The following RNF212 variants were observed in gnomAD, a reference collection of about 807,000 sequenced individuals.
RNF212 encodes the protein ring finger protein 212.
RNF212 carries 33 observed loss-of-function variants against 34.7 expected under a neutral mutation model. That is an observed-to-expected ratio of 0.95 (90% CI 0.72 to 1.27). The LOEUF is 1.27. Among genes scored for constraint, RNF212 ranks in the 50% most tolerant of loss-of-function variants. RNF212 has a pLI of 0.00. For synonymous variants in RNF212, 140 were observed against 136.1 expected, an observed-to-expected ratio of 1.03 and a Z score of -0.20; for missense variants, 377 against 362.2, an observed-to-expected ratio of 1.04 and a Z score of -0.33.
downstream of RNF212, among the ~76,000 whole-genome samples, chr4:1,069,762 C>G (rs1397027538): frequency 2.0e-5 from 3 of 152,212 alleles, no homozygotes; most frequent in African/African-American, 7.2e-5. Flanking sequence ...TATGGGTCAC[C>G]CTTCAGAATT....
intron 4 of RNF212, among the ~76,000 whole-genome samples, chr4:1,087,783 G>A (rs1016506671): frequency 1.3e-5 from 2 of 151,882 alleles, no homozygotes; most frequent in African/African-American, 4.8e-5. Flanking sequence ...ATGACAGTGA[G>A]TTCTCACGAG....
intron 3 of RNF212, chr4:1,093,630 C>G: frequency 6.5e-7 from 1 of 1,535,882 alleles, no homozygotes; most frequent in Non-Finnish European, 8.7e-7. Flanking sequence ...TGGGTCTTCT[C>G]TCCTGAGACA....
intron 2 of RNF212, among the ~76,000 whole-genome samples, chr4:1,097,746 G>C (rs1353297203): frequency 6.6e-6 from 1 of 152,150 alleles, no homozygotes; most frequent in Non-Finnish European, 1.5e-5. Flanking sequence ...AGCTGTCCTA[G>C]GCATGGAGCT....
At chr4:1,077,856 G>A (rs780288611) in intron 8 of RNF212, among the ~76,000 whole-genome samples, 8 of 152,338 alleles carry the variant, frequency 5.3e-5, no homozygotes, top group Admixed American at 1.3e-4. Context: ...ATAAGGAAGC[G>A]TGTCCCTCTG....
At chr4:1,085,818 A>G in intron 5 of RNF212, 78 bp downstream of exon 5, 2 of 971,562 alleles carry the variant, frequency 2.1e-6, no homozygotes, top group Non-Finnish European at 1.7e-6. Context: ...TTCATTCTTG[A>G]TCTTGGAGAG....
Position 1,076,472 on chromosome 4 carries a change from G to T in RNF212, c.511-2810C>A, listed in dbSNP as rs139934742. Among the ~76,000 whole-genome samples, 5 of 152,292 alleles carry T rather than the reference G, an allele frequency of 3.3e-5. 1 individual carries two copies. The South Asian group carries it at 6.2e-4, about 19-fold the overall frequency. ...CACCCCCGATAATGCTCTTTCCCAT[G>T]CAGCCCTGAACAGTGTGGGAGGTTC... On this transcript the variant is annotated intron_variant, in intron 8 of 9. Coordinates refer to ENST00000433731, the MANE Select transcript of RNF212 (RefSeq NM_001131034.4).
chr4:1,073,920 G>A (rs769053233), intron 8 of RNF212, among the ~76,000 whole-genome samples: 18 of 151,914 alleles, frequency 1.2e-4, no homozygotes, highest in Non-Finnish European at 1.8e-4. Context: ...AACAGTGAAC[G>A]GATAAAGGGC....
At chr4:1,061,722 C>T (rs1209828927) in intron 3 of RNF212, among the ~76,000 whole-genome samples, 1 of 152,212 alleles carries the variant, frequency 6.6e-6, no homozygotes, top group Non-Finnish European at 1.5e-5. Context: ...GAGCAGAAAC[C>T]ATGAGCGGAC....
chr4:1,076,750 C>T (rs865818821), intron 8 of RNF212, among the ~76,000 whole-genome samples: 2 of 152,204 alleles, frequency 1.3e-5, no homozygotes, highest in Non-Finnish European at 2.9e-5. Flanking sequence ...TTGAAATTTG[C>T]ATTCTGGTGT....
intron 8 of RNF212, among the ~76,000 whole-genome samples, chr4:1,075,111 T>C (rs536149782): frequency 6.6e-6 from 1 of 152,318 alleles, no homozygotes; most frequent in East Asian, 1.9e-4. Flanking sequence ...AAACCTTTCT[T>C]GTAAATGGGC....
intron 2 of RNF212, among the ~76,000 whole-genome samples, chr4:1,105,683 G>A (rs1281511472): frequency 6.6e-6 from 1 of 152,266 alleles, no homozygotes; most frequent in Non-Finnish European, 1.5e-5. Context: ...TGATTTCACC[G>A]AAGTGCTCAC....
intron 4 of RNF212, chr4:1,056,886 G>C (rs1366254775): frequency 1.0e-6 from 1 of 987,914 alleles, no homozygotes; most frequent in Non-Finnish European, 1.2e-6. Context: ...GGCGGCCGGG[G>C]GGGCAGCCTG....
At chr4:1,105,130 C>A (rs1724607082) in intron 2 of RNF212, among the ~76,000 whole-genome samples, 1 of 152,244 alleles carries the variant, frequency 6.6e-6, no homozygotes, top group Non-Finnish European at 1.5e-5. Context: ...AACTCAAAAG[C>A]AACTGGCGTG....
At chr4:1,077,396 C>A (rs1719496980) in intron 8 of RNF212, among the ~76,000 whole-genome samples, 1 of 152,116 alleles carries the variant, frequency 6.6e-6, no homozygotes, top group Non-Finnish European at 1.5e-5. Flanking sequence ...CCAGTCTTTT[C>A]TTTCTTTTTT....
rs568966213 is a variant in RNF212 at position 1,078,074 on chromosome 4, C to T, written c.510+1569G>A. On this transcript the variant is annotated intron_variant, in intron 8 of 9. Transcript: ENST00000433731. ...TCCGGGTCCCTCCATCATCCGGCTC[C>T]GGGTGTGATTACCCATGCCACAGGG... Among the ~76,000 whole-genome samples the T allele has an allele frequency of 3.9e-5, 6 of 152,082 alleles. 1 individual carries two copies. In the South Asian group the frequency reaches 1.0e-3, roughly 26 times the overall value.
chr4:1,093,359 A>T, intron 3 of RNF212: 1 of 1,131,542 alleles, frequency 8.8e-7, no homozygotes, highest in East Asian at 2.8e-5. Context: ...TAAATCCATG[A>T]TGTGTTAACA....
chr4:1,098,075 C>T (rs1018701868), intron 2 of RNF212, among the ~76,000 whole-genome samples: 1 of 152,058 alleles, frequency 6.6e-6, no homozygotes, highest in Non-Finnish European at 1.5e-5. Flanking sequence ...AAAAAACAAA[C>T]AAACAAAAAA....
At chr4:1,092,274 AT>A (rs1280058560) in intron 3 of RNF212, among the ~76,000 whole-genome samples, 1 of 152,152 alleles carries the variant, frequency 6.6e-6, no homozygotes, top group Non-Finnish European at 1.5e-5. Context: ...GCTGATCCTG[AT>A]TTGGCAGGGC....
At chr4:1,060,216 C>T (rs1368897283) in intron 3 of RNF212, among the ~76,000 whole-genome samples, 1 of 152,122 alleles carries the variant, frequency 6.6e-6, no homozygotes, top group Non-Finnish European at 1.5e-5. Context: ...ACAATTCACC[C>T]AGGGTCTGGC....
Sources: gnomAD v4.1 joint callset for allele counts (sites outside exome capture counted in the v4.1 genomes callset) on GRCh38, gnomAD v4.1.1 for gene constraint, MANE v1.5 for transcripts, NCBI Gene and HGNC (gene_info 2026-07-23, HGNC 2026-07-21) for gene names.